AUTS2: variants seen among roughly 807,000 people sequenced by gnomAD.
AUTS2 encodes the protein autism susceptibility gene 2 protein.
AUTS2 carries 17 observed loss-of-function variants against 112.4 expected under a neutral mutation model. The ratio of observed to expected loss-of-function variants is 0.15; its 90% CI spans 0.10 to 0.23. AUTS2 has a LOEUF of 0.23. Among genes scored for constraint, AUTS2 ranks in the 10% least tolerant of loss-of-function variants. The pLI is 1.00. For missense variants in AUTS2, 1,510 were observed against 1,701.6 expected (o/e 0.89, Z 1.98); for synonymous variants, 751 against 702.7 (o/e 1.07, Z -1.09).
chr7:69,805,759 A>G (rs552891681), intron 1 of AUTS2, among the ~76,000 whole-genome samples: 1 of 152,306 alleles, frequency 6.6e-6, no homozygotes, highest in South Asian at 2.1e-4. Flanking sequence ...TTCTCTATGA[A>G]GATGTATATT....
At chr7:70,145,395 C>A (rs1390041063) in intron 4 of AUTS2, among the ~76,000 whole-genome samples, 1 of 152,040 alleles carries the variant, frequency 6.6e-6, no homozygotes, top group African/African-American at 2.4e-5. Context: ...AATAATTGAC[C>A]ATTAAAATAT....
At chr7:70,167,863 C>T (rs1004753159) in intron 4 of AUTS2, among the ~76,000 whole-genome samples, 15 of 152,136 alleles carry the variant, frequency 9.9e-5, no homozygotes, top group Non-Finnish European at 2.2e-4. Flanking sequence ...GTTTACATGC[C>T]TCTTTTTTCT....
chr7:69,608,277 G>A (rs1792839746), intron 1 of AUTS2, among the ~76,000 whole-genome samples: 1 of 152,200 alleles, frequency 6.6e-6, no homozygotes, highest in South Asian at 2.1e-4. Flanking sequence ...CTAAACCTGA[G>A]ACTGAGTTTT....
chr7:70,504,650 G>C (rs1203465437), intron 5 of AUTS2, among the ~76,000 whole-genome samples: 1 of 152,198 alleles, frequency 6.6e-6, no homozygotes, highest in African/African-American at 2.4e-5. Context: ...GATATATTAA[G>C]TGGACAAACA....
intron 2 of AUTS2, among the ~76,000 whole-genome samples, chr7:69,903,527 C>G (rs958703408): frequency 1.3e-5 from 2 of 152,162 alleles, no homozygotes; most frequent in African/African-American, 4.8e-5. Flanking sequence ...TTAGTCTGTC[C>G]TTTCTCTGTA....
intron 4 of AUTS2, among the ~76,000 whole-genome samples, chr7:70,386,796 A>G (rs1793629629): frequency 6.6e-6 from 1 of 152,078 alleles, no homozygotes; most frequent in African/African-American, 2.4e-5. Flanking sequence ...CTCTCTCATC[A>G]TTTCACCAAC....
intron 2 of AUTS2, among the ~76,000 whole-genome samples, chr7:69,967,832 G>A (rs1157768393): frequency 6.6e-6 from 1 of 152,130 alleles, no homozygotes; most frequent in Non-Finnish European, 1.5e-5. Flanking sequence ...CTTTTCCCAG[G>A]GGAAACCTGC....
chr7:70,379,298 C>T (rs929314687), intron 4 of AUTS2, among the ~76,000 whole-genome samples: 1 of 151,980 alleles, frequency 6.6e-6, no homozygotes, highest in Non-Finnish European at 1.5e-5. Flanking sequence ...GTTAGGAGTT[C>T]GAGACCGGCC....
intron 4 of AUTS2, among the ~76,000 whole-genome samples, chr7:70,427,798 T>C (rs1406928494): frequency 2.0e-5 from 3 of 152,108 alleles, no homozygotes; most frequent in African/African-American, 7.2e-5. Context: ...TCAGATCACA[T>C]TGGTTATTTG....
chr7:70,086,138 A>T (rs908062890), intron 2 of AUTS2, among the ~76,000 whole-genome samples: 1 of 152,176 alleles, frequency 6.6e-6, no homozygotes, highest in African/African-American at 2.4e-5. Flanking sequence ...TGTTTTGGCT[A>T]TTCTTGGCCC....
chr7:69,729,256 G>T (rs991874393), intron 1 of AUTS2, among the ~76,000 whole-genome samples: 4 of 152,034 alleles, frequency 2.6e-5, no homozygotes, highest in African/African-American at 9.7e-5. Context: ...CAGAGTATGA[G>T]AGGAGAGTTG....
chr7:70,580,926 A>G (rs1802404402), intron 5 of AUTS2, among the ~76,000 whole-genome samples: 1 of 152,074 alleles, frequency 6.6e-6, no homozygotes, highest in Non-Finnish European at 1.5e-5. Flanking sequence ...CTTTCATCAG[A>G]TTTTCAAATA....
chr7:70,714,042 A>G (rs1357246330), intron 6 of AUTS2, among the ~76,000 whole-genome samples: 2 of 152,334 alleles, frequency 1.3e-5, no homozygotes, highest in Non-Finnish European at 2.9e-5. Flanking sequence ...TGTGATCTAC[A>G]TGGGTTAAAT....
intron 5 of AUTS2, among the ~76,000 whole-genome samples, chr7:70,545,126 T>C (rs1248770956): frequency 2.0e-5 from 3 of 152,168 alleles, no homozygotes; most frequent in Admixed American, 2.0e-4. Flanking sequence ...GAATTTCAAG[T>C]CTAGAAGAAC....
At chr7:70,782,903 T>C (rs971204908) in intron 15 of AUTS2, 2 of 151,982 alleles carry the variant, frequency 1.3e-5, no homozygotes, top group African/African-American at 4.8e-5. Flanking sequence ...CCCTGGAGGG[T>C]AGATGGAATT....
intron 2 of AUTS2, among the ~76,000 whole-genome samples, chr7:70,002,430 T>C (rs1799240867): frequency 6.6e-6 from 1 of 152,176 alleles, no homozygotes; most frequent in African/African-American, 2.4e-5. Flanking sequence ...GGCTCTATCT[T>C]ATCCAGATTT....
chr7:70,680,568 C>G (rs1012551099), intron 5 of AUTS2, among the ~76,000 whole-genome samples: 4 of 152,184 alleles, frequency 2.6e-5, no homozygotes, highest in Non-Finnish European at 5.9e-5. Flanking sequence ...ATTTCCATGC[C>G]TCCTCATGCA....
At chr7:69,977,561 A>G (rs1738785460) in intron 2 of AUTS2, among the ~76,000 whole-genome samples, 1 of 152,188 alleles carries the variant, frequency 6.6e-6, no homozygotes, top group South Asian at 2.1e-4. Context: ...TAACAATATT[A>G]AAGCCCATGG....
chr7:70,045,693 C>G (rs994718848), intron 2 of AUTS2, among the ~76,000 whole-genome samples: 2 of 151,654 alleles, frequency 1.3e-5, no homozygotes, highest in African/African-American at 4.8e-5. Flanking sequence ...ACTGCAACCT[C>G]TGCCTCCCAG....
Sources: gnomAD v4.1 joint callset for allele counts (sites outside exome capture counted in the v4.1 genomes callset) on GRCh38, gnomAD v4.1.1 for gene constraint, MANE v1.5 for transcripts, NCBI Gene and HGNC (gene_info 2026-07-23, HGNC 2026-07-21) for gene names.